The following NLGN1 variants were observed in gnomAD, a reference collection of about 807,000 sequenced individuals.
NLGN1 encodes neuroligin-1.
NLGN1 carries 12 observed loss-of-function variants against 65.5 expected under a neutral mutation model. The observed-to-expected ratio is 0.18, with a 90% CI of 0.12 to 0.30. The LOEUF is 0.30. Among genes scored for constraint, NLGN1 ranks in the 10% least tolerant of loss-of-function variants. NLGN1 has a pLI of 1.00. For synonymous variants in NLGN1, 350 were observed against 359.5 expected, an observed-to-expected ratio of 0.97 and a Z score of 0.30; for missense variants, 750 against 1,007.1, an observed-to-expected ratio of 0.74 and a Z score of 3.46.
intron 4 of NLGN1, among the ~76,000 whole-genome samples, chr3:174,071,343 T>A (rs1197185214): frequency 2.0e-5 from 3 of 152,100 alleles, no homozygotes; most frequent in Non-Finnish European, 4.4e-5. Context: ...TGCTTAGTTT[T>A]CTTGTATGAA....
chr3:174,166,360 T>C (rs1408533720), intron 4 of NLGN1, among the ~76,000 whole-genome samples: 2 of 152,120 alleles, frequency 1.3e-5, no homozygotes, highest in African/African-American at 4.8e-5. Context: ...AACACTGCTT[T>C]TTCTGTATCA....
intron 3 of NLGN1, among the ~76,000 whole-genome samples, chr3:173,626,285 A>G (rs925290070): frequency 3.9e-5 from 6 of 152,204 alleles, no homozygotes; most frequent in African/African-American, 1.4e-4. Context: ...TAGTATTACC[A>G]GGAGAAAGAG....
At chr3:173,737,437 C>T (rs918822445) in intron 3 of NLGN1, among the ~76,000 whole-genome samples, 3 of 151,998 alleles carry the variant, frequency 2.0e-5, no homozygotes, top group Non-Finnish European at 2.9e-5. Flanking sequence ...CCTCTCAACC[C>T]CTCACCTCTA....
At chr3:174,258,068 A>G (rs1229085132) in intron 4 of NLGN1, among the ~76,000 whole-genome samples, 1 of 152,022 alleles carries the variant, frequency 6.6e-6, no homozygotes, top group Non-Finnish European at 1.5e-5. Context: ...AACTAGACAA[A>G]TAAAGGAAAG....
At chr3:174,042,393 G>A (rs541446968) in intron 4 of NLGN1, among the ~76,000 whole-genome samples, 87 of 152,164 alleles carry the variant, frequency 5.7e-4, no homozygotes, top group African/African-American at 1.6e-3. Flanking sequence ...TGTGTGTGGC[G>A]TGAGGTAGAT....
chr3:173,879,031 G>A (rs1048017653), intron 4 of NLGN1, among the ~76,000 whole-genome samples: 2 of 151,948 alleles, frequency 1.3e-5, no homozygotes, highest in South Asian at 2.1e-4. Context: ...TCAGGAGTTC[G>A]AGACCAGCCT....
At chr3:174,254,306 A>ATTTTTTTTTT (rs371427726) in intron 4 of NLGN1, among the ~76,000 whole-genome samples, 31 of 113,750 alleles carry the variant, frequency 2.7e-4, no homozygotes, top group Non-Finnish European at 3.5e-4. Flanking sequence ...GTCCTTTTTA[A>ATTTTTTTTTT]TTTTTTTTTT....
chr3:174,207,734 G>C (rs1735691351), intron 4 of NLGN1, among the ~76,000 whole-genome samples: 1 of 152,070 alleles, frequency 6.6e-6, no homozygotes, highest in Admixed American at 6.6e-5. Context: ...ATAATTTTTT[G>C]TTCATGTGTC....
intron 4 of NLGN1, among the ~76,000 whole-genome samples, chr3:174,172,315 T>TCAAAAA (rs1728697570): frequency 6.6e-6 from 1 of 152,108 alleles, no homozygotes; most frequent in Admixed American, 6.6e-5. Context: ...ACACTCTTAG[T>TCAAAAA]TATTTTTAAA....
intron 4 of NLGN1, among the ~76,000 whole-genome samples, chr3:174,240,113 G>C (rs1282500952): frequency 6.6e-6 from 1 of 152,070 alleles, no homozygotes; most frequent in Non-Finnish European, 1.5e-5. Flanking sequence ...GTATAATAAG[G>C]AAGGATACCA....
chr3:173,405,178 C>T (rs1718405853), intron 1 of NLGN1, among the ~76,000 whole-genome samples: 1 of 151,986 alleles, frequency 6.6e-6, no homozygotes, highest in South Asian at 2.1e-4. Context: ...TGAAGGGCTC[C>T]GCGATTGTCT....
chr3:174,247,133 T>C (rs566298892), intron 4 of NLGN1, among the ~76,000 whole-genome samples: 77 of 152,326 alleles, frequency 5.1e-4, no homozygotes, highest in African/African-American at 1.7e-3. Context: ...TGTGCATGCC[T>C]CTTCACAATG....
At chr3:173,890,377 T>C (rs1449827111) in intron 4 of NLGN1, among the ~76,000 whole-genome samples, 1 of 152,116 alleles carries the variant, frequency 6.6e-6, no homozygotes, top group Admixed American at 6.6e-5. Context: ...TATGAGAAGG[T>C]TGGGCCGGAG....
intron 2 of NLGN1, among the ~76,000 whole-genome samples, chr3:173,451,535 C>T (rs895378688): frequency 9.2e-5 from 14 of 152,174 alleles, no homozygotes; most frequent in South Asian, 2.1e-4. Context: ...GCAGTCTGCC[C>T]GTTCTCAGAT....
At chr3:173,839,071 T>A (rs1578719153) in intron 4 of NLGN1, among the ~76,000 whole-genome samples, 1 of 150,184 alleles carries the variant, frequency 6.7e-6, no homozygotes, top group Non-Finnish European at 1.5e-5. Flanking sequence ...TTCTTTTTTT[T>A]TAACTTCTTG....
chr3:174,141,964 G>A (rs968540015), intron 4 of NLGN1, among the ~76,000 whole-genome samples: 4 of 151,660 alleles, frequency 2.6e-5, no homozygotes, highest in Non-Finnish European at 5.9e-5. Flanking sequence ...CAAAACACAC[G>A]GCTTCTTAAA....
At chr3:174,229,211 G>A (rs1466978351) in intron 4 of NLGN1, among the ~76,000 whole-genome samples, 1 of 152,016 alleles carries the variant, frequency 6.6e-6, no homozygotes, top group Non-Finnish European at 1.5e-5. Context: ...ACAAGATCAA[G>A]TATGCCAAAA....
chr3:174,036,609 C>T (rs1731192542), intron 4 of NLGN1, among the ~76,000 whole-genome samples: 1 of 126,614 alleles, frequency 7.9e-6, no homozygotes, highest in South Asian at 2.6e-4. Flanking sequence ...TCAAATTTAA[C>T]ATGTATTTTA....
intron 4 of NLGN1, among the ~76,000 whole-genome samples, chr3:174,053,770 A>T (rs1426816826): frequency 6.6e-6 from 1 of 151,590 alleles, no homozygotes; most frequent in Non-Finnish European, 1.5e-5. Flanking sequence ...CATCCATTTC[A>T]TTTGCTACCT....
Sources: allele counts gnomAD v4.1 joint callset (sites outside exome capture counted in the v4.1 genomes callset), GRCh38; gene constraint gnomAD v4.1.1; transcripts MANE v1.5; gene names NCBI Gene and HGNC (gene_info 2026-07-23, HGNC 2026-07-21).